The following CSMD1 variants were observed in gnomAD, a reference collection of about 807,000 sequenced individuals.
CSMD1 encodes CUB and Sushi multiple domains 1.
A neutral mutation model predicts 417.5 loss-of-function variants in CSMD1; 213 were observed. The observed-to-expected ratio is 0.51, with a 90% CI of 0.46 to 0.57. The LOEUF is 0.57. Among genes scored for constraint, CSMD1 ranks in the 20% least tolerant of loss-of-function variants. The pLI is 0.00. For synonymous variants in CSMD1, 2,862 were observed against 1,736.8 expected (o/e 1.65, Z -16.11); for missense variants, 6,923 against 4,529.7 (o/e 1.53, Z -15.17).
At chr8:3,378,945 T>C (rs544944158) in intron 18 of CSMD1, among the ~76,000 whole-genome samples, 6 of 152,142 alleles carry the variant, frequency 3.9e-5, no homozygotes, top group Non-Finnish European at 5.9e-5. Context: ...TAGGAAGAGA[T>C]GAAGTCAAAT....
At chr8:4,084,074 G>A (rs1447204742) in intron 3 of CSMD1, among the ~76,000 whole-genome samples, 1 of 152,256 alleles carries the variant, frequency 6.6e-6, no homozygotes, top group East Asian at 1.9e-4. Flanking sequence ...ATCAATACAT[G>A]AAAATGGCTA....
chr8:3,470,098 C>G (rs1563069571), intron 11 of CSMD1, among the ~76,000 whole-genome samples: 1 of 152,164 alleles, frequency 6.6e-6, no homozygotes, highest in Non-Finnish European at 1.5e-5. Flanking sequence ...TACCAACACC[C>G]CAAAGCCTTC....
intron 1 of CSMD1, among the ~76,000 whole-genome samples, chr8:4,717,376 C>T (rs185787346): frequency 0.021 from 2,949 of 139,876 alleles, 76 homozygotes; most frequent in African/African-American, 0.063. Flanking sequence ...CATATATATA[C>T]ACACACACAT....
intron 12 of CSMD1, among the ~76,000 whole-genome samples, chr8:3,438,983 T>C (rs968964513): frequency 1.3e-5 from 2 of 150,366 alleles, no homozygotes; most frequent in Non-Finnish European, 1.5e-5. Context: ...GGCATGGTAG[T>C]GGGCACCTGT....
At chr8:4,824,885 A>G (rs1799734115) in intron 1 of CSMD1, among the ~76,000 whole-genome samples, 1 of 152,146 alleles carries the variant, frequency 6.6e-6, no homozygotes. Context: ...GAACGTGGCC[A>G]CAGGGTAATG....
intron 49 of CSMD1, among the ~76,000 whole-genome samples, chr8:3,066,096 C>A (rs1470019340): frequency 6.6e-6 from 1 of 152,100 alleles, no homozygotes; most frequent in Non-Finnish European, 1.5e-5. Context: ...GAGAAATTGC[C>A]AAAGGACAAT....
At chr8:3,435,188 G>A (rs1020199630) in intron 12 of CSMD1, among the ~76,000 whole-genome samples, 2 of 152,170 alleles carry the variant, frequency 1.3e-5, no homozygotes, top group East Asian at 3.9e-4. Flanking sequence ...GGGCAAAAAA[G>A]CCCCTTGATA....
At chr8:2,962,885 A>C (rs1227414237) in intron 60 of CSMD1, among the ~76,000 whole-genome samples, 1 of 152,160 alleles carries the variant, frequency 6.6e-6, no homozygotes, top group African/African-American at 2.4e-5. Context: ...CTATGTCTAC[A>C]ACAAATACAA....
chr8:3,650,651 C>G lies in CSMD1; in HGVS notation c.1010-33854G>C, dbSNP rs537251059. Among the ~76,000 whole-genome samples, 242 of 152,274 alleles carry G rather than the reference C, an allele frequency of 1.6e-3. 2 individuals carry two copies. The highest frequency in any genetic ancestry group is 5.6e-3 in the African/African-American group (234 of 41,554). On this transcript the variant is annotated intron_variant, in intron 7 of 69. Coordinates refer to ENST00000635120, the MANE Select transcript of CSMD1 (RefSeq NM_033225.6). Reference sequence around the variant, plus strand: ...GCTGTGGATATTTAAGAGAACACTACCATCACGCTATGAGAACTGTTCGAA... The same window carrying G: ...GCTGTGGATATTTAAGAGAACACTAGCATCACGCTATGAGAACTGTTCGAA...
intron 38 of CSMD1, among the ~76,000 whole-genome samples, chr8:3,159,280 A>G (rs1239120898): frequency 6.6e-6 from 1 of 152,204 alleles, no homozygotes; most frequent in East Asian, 1.9e-4. Flanking sequence ...CCGATGAGCG[A>G]TTCTAGCTAC....
intron 7 of CSMD1, among the ~76,000 whole-genome samples, chr8:3,633,128 T>G (rs534656087): frequency 6.6e-6 from 1 of 152,376 alleles, no homozygotes; most frequent in South Asian, 2.1e-4. Context: ...TCTCTAACTT[T>G]ATGTTACCAA....
chr8:3,193,379 C>T (rs1585614867), intron 33 of CSMD1, among the ~76,000 whole-genome samples: 1 of 151,894 alleles, frequency 6.6e-6, no homozygotes, highest in Non-Finnish European at 1.5e-5. Flanking sequence ...GTGAGGACAC[C>T]AATTGTAAGG....
intron 3 of CSMD1, among the ~76,000 whole-genome samples, chr8:4,036,592 AG>A (rs909551592): frequency 6.6e-6 from 1 of 152,230 alleles, no homozygotes; most frequent in African/African-American, 2.4e-5. Context: ...TATTTTTAAT[AG>A]GGAAAAATTA....
At chr8:4,541,562 C>A (rs1407507037) in intron 2 of CSMD1, among the ~76,000 whole-genome samples, 3 of 151,700 alleles carry the variant, frequency 2.0e-5, no homozygotes, top group African/African-American at 7.3e-5. Context: ...AGCCTGGCCA[C>A]CATGGTAAAA....
At chr8:4,448,082 A>T (rs1212686103) in intron 2 of CSMD1, among the ~76,000 whole-genome samples, 1 of 152,166 alleles carries the variant, frequency 6.6e-6, no homozygotes, top group Non-Finnish European at 1.5e-5. Flanking sequence ...GTCCAGTGGA[A>T]ATTCTGTTCC....
intron 2 of CSMD1, among the ~76,000 whole-genome samples, chr8:4,573,350 G>A (rs1029435698): frequency 6.6e-6 from 1 of 152,128 alleles, no homozygotes; most frequent in African/African-American, 2.4e-5. Context: ...CTCTCTGCTT[G>A]TTAGTTTTCC....
chr8:3,007,227 C>T (rs1272595296), intron 52 of CSMD1, among the ~76,000 whole-genome samples: 3 of 150,460 alleles, frequency 2.0e-5, no homozygotes, highest in Admixed American at 6.6e-5. Flanking sequence ...CAATGAGATA[C>T]CATCTCACAC....
chr8:3,432,994 C>G (rs2406295), intron 12 of CSMD1, among the ~76,000 whole-genome samples: 43,328 of 151,878 alleles, frequency 0.29, 6,264 homozygotes, highest in East Asian at 0.48. Flanking sequence ...AGATGGCATA[C>G]AAAATTCAGT....
chr8:3,789,125 A>G (rs1306736402), intron 5 of CSMD1, among the ~76,000 whole-genome samples: 1 of 152,128 alleles, frequency 6.6e-6, no homozygotes, highest in Admixed American at 6.5e-5. Flanking sequence ...AAGGTGACTA[A>G]GTCCTTTGTT....
Sources: allele counts gnomAD v4.1 joint callset (sites outside exome capture counted in the v4.1 genomes callset), GRCh38; gene constraint gnomAD v4.1.1; transcripts MANE v1.5; gene names NCBI Gene and HGNC (gene_info 2026-07-23, HGNC 2026-07-21).